The following PCDHGA4 variants were observed in gnomAD, a reference collection of about 807,000 sequenced individuals.
The protein encoded by PCDHGA4 is protocadherin gamma subfamily A, 4.
In PCDHGA4, 38 loss-of-function variants were observed where a neutral mutation model predicts 54.6. The ratio of observed to expected loss-of-function variants is 0.70; its 90% CI spans 0.54 to 0.91. The LOEUF (loss-of-function observed/expected upper bound fraction) is 0.91, where lower values mean the gene tolerates loss of function less well. PCDHGA4 is among the 40% of genes least tolerant of loss of function. The pLI, the probability that PCDHGA4 is intolerant of heterozygous loss-of-function variation, is 0.00. For missense variants in PCDHGA4, 1,298 were observed against 1,220.9 expected (o/e 1.06, Z -0.94); for synonymous variants, 511 against 512.9 (o/e 1.00, Z 0.05).
At position 141,489,135 on chromosome 5, in the gene PCDHGA4, G is replaced by T; in HGVS notation, c.2515-5672G>T. The T allele has an allele frequency of 1.4e-6, 1 of 725,448 alleles. No individual in the cohort carries two copies. The highest frequency in any genetic ancestry group is 2.1e-6 in the Non-Finnish European group (1 of 470,770). 44.9% of individuals were successfully genotyped at this position (725,448 alleles called of 1,614,324 possible). ...GCAAACCTCCGAGCAGTTTTTAAGA[G>T]GCTGGAAGGAGACATAAGAGACTTC... On this transcript the variant is annotated intron_variant, in intron 1 of 3. Coordinates refer to ENST00000571252, the MANE Select transcript of PCDHGA4 (RefSeq NM_018917.4). The surrounding 1 kb of genome is among the most constrained non-coding windows in gnomAD (Gnocchi z 4.5).
At chr5:141,463,265 A>G (rs2099055701) in intron 1 of PCDHGA4, among the ~76,000 whole-genome samples, 1 of 151,998 alleles carries the variant, frequency 6.6e-6, no homozygotes, top group African/African-American at 2.4e-5. Flanking sequence ...ACTCTATCCC[A>G]TAAATTCTGG....
chr5:141,509,308 C>G (rs943174290), intron 3 of PCDHGA4, among the ~76,000 whole-genome samples: 6 of 152,152 alleles, frequency 3.9e-5, no homozygotes, highest in African/African-American at 1.4e-4. Flanking sequence ...CAGAGGGAGG[C>G]TGGGAGAGAA....
At chr5:141,397,110 C>T (rs561188757) in intron 1 of PCDHGA4, among the ~76,000 whole-genome samples, 1 of 152,324 alleles carries the variant, frequency 6.6e-6, no homozygotes, top group African/African-American at 2.4e-5. Context: ...ATGCAATCCA[C>T]TAGAATATCC....
At position 141,409,826 on chromosome 5, in the gene PCDHGA4, C is replaced by T. The variant is rs565116840; in HGVS notation, c.2514+52205C>T. 14 of 1,611,108 alleles carry T rather than the reference C, an allele frequency of 8.7e-6. No homozygotes were observed. The highest frequency in any genetic ancestry group is 1.3e-5 in the African/African-American group (1 of 75,000). On this transcript the variant is annotated intron_variant, in intron 1 of 3. Coordinates refer to ENST00000571252, the MANE Select transcript of PCDHGA4 (RefSeq NM_018917.4). ...GGCCCGCGACCACGGCTCGCCCACG[C>T]TCAGCGCCAACGTGAGCCTGCGCGT...
Position 141,480,177 on chromosome 5 carries a change from G to T in PCDHGA4, c.2515-14630G>T, listed in dbSNP as rs570721769. 4.6e-5 allele frequency among the ~76,000 whole-genome samples: 7 copies of T among 152,066 alleles called. No homozygotes were observed. In the South Asian group the frequency reaches 6.3e-4, roughly 14 times the overall value. ...CTAGCATTTTGGGAGGCTGAGGCAGGCGGATTGCTTGAGGCCAGCAGTTCA... is the reference window on the plus strand; with the variant it reads ...CTAGCATTTTGGGAGGCTGAGGCAGTCGGATTGCTTGAGGCCAGCAGTTCA... On this transcript the variant is annotated intron_variant, in intron 1 of 3. Coordinates refer to ENST00000571252, the MANE Select transcript of PCDHGA4 (RefSeq NM_018917.4).
chr5:141,357,757 G>A (rs932647509), intron 1 of PCDHGA4, 136 bp downstream of exon 1: 33 of 1,061,794 alleles, frequency 3.1e-5, no homozygotes, highest in Non-Finnish European at 4.0e-5. Flanking sequence ...AAAACTGGTG[G>A]ATGACCTTCC....
At chr5:141,401,936 G>A (rs950687803) in intron 1 of PCDHGA4, among the ~76,000 whole-genome samples, 1 of 152,100 alleles carries the variant, frequency 6.6e-6, no homozygotes, top group African/African-American at 2.4e-5. Flanking sequence ...TTAGAATAAT[G>A]TTTAAGACCA....
chr5:141,366,329 A>G (rs1342085917), intron 1 of PCDHGA4: 1 of 1,613,868 alleles, frequency 6.2e-7, no homozygotes, highest in South Asian at 1.1e-5. Flanking sequence ...CGTGGCCGAC[A>G]GGATCCCTGA....
chr5:141,395,819 T>A (rs2093315125), intron 1 of PCDHGA4: 1 of 152,210 alleles, frequency 6.6e-6, no homozygotes, highest in Admixed American at 6.5e-5. Context: ...ATGAACAAAC[T>A]TTAAAGATGG....
intron 1 of PCDHGA4, among the ~76,000 whole-genome samples, chr5:141,456,877 C>T (rs910777736): frequency 2.0e-5 from 3 of 152,202 alleles, no homozygotes; most frequent in South Asian, 2.1e-4. Context: ...GCAGGAGAAT[C>T]GCTTGAACCC....
chr5:141,409,047 G>A, intron 1 of PCDHGA4: 1 of 1,613,982 alleles, frequency 6.2e-7, no homozygotes, highest in Non-Finnish European at 8.5e-7. Context: ...TACTACTTCC[G>A]AAGCACTGCC....
Position 141,355,746 on chromosome 5 carries a change from G to A in PCDHGA4, c.639G>A (p.Val213=), listed in dbSNP as rs1759960259. 1.2e-6 allele frequency: 2 copies of A among 1,613,874 alleles called. No homozygotes were observed. Among genetic ancestry groups the A allele is most frequent in the Non-Finnish European group, 1.7e-6 (2 of 1,179,884 alleles). ...CAAACGGTTACTTTTCCCTGGACGT[G>A]CAAAGTGGGGCCGATGGGATTAAGT... ...LNSNGYFSLD[V]QSGADGIKYP... is the part of the protein sequence containing the mutation. Residue 213 remains valine, a synonymous_variant, in exon 1 of 4, where the codon GTG becomes GTA. Coordinates refer to ENST00000571252, the MANE Select transcript of PCDHGA4 (RefSeq NM_018917.4).
At chr5:141,410,693 A>C in intron 1 of PCDHGA4, 1 of 1,496,902 alleles carries the variant, frequency 6.7e-7, no homozygotes, top group Non-Finnish European at 8.9e-7. Flanking sequence ...ATACTACTTT[A>C]TTTTCATATC....
chr5:141,367,537 A>AAAT (rs373624904), intron 1 of PCDHGA4: 1 of 147,434 alleles, frequency 6.8e-6, no homozygotes, highest in Admixed American at 6.8e-5. Context: ...ACTCCGTCTC[A>AAAT]AAATAAATAA....
chr5:141,375,724 A>T (rs1771805917), intron 1 of PCDHGA4: 1 of 1,614,144 alleles, frequency 6.2e-7, no homozygotes, highest in Non-Finnish European at 8.5e-7. Flanking sequence ...GCAACGTGTC[A>T]CTGAGCCTGT....
At chr5:141,410,560 A>C (rs769354927) in intron 1 of PCDHGA4, 42 of 1,612,824 alleles carry the variant, frequency 2.6e-5, no homozygotes, top group Non-Finnish European at 3.5e-5. Context: ...TTTCTCCTGG[A>C]GCCTTAATTC....
At chr5:141,376,675 C>CTTT in intron 1 of PCDHGA4, 7 of 345,068 alleles carry the variant, frequency 2.0e-5, no homozygotes, top group Admixed American at 4.8e-5. Context: ...GTGAGGGTAT[C>CTTT]GTTTTTTTTT....
intron 1 of PCDHGA4, chr5:141,366,144 C>T (rs925056179): frequency 1.9e-6 from 3 of 1,614,182 alleles, no homozygotes; most frequent in Non-Finnish European, 2.5e-6. Flanking sequence ...GCCTGGCTGT[C>T]CTACCGCCTG....
intron 1 of PCDHGA4, among the ~76,000 whole-genome samples, chr5:141,461,881 T>C (rs2099025428): frequency 6.6e-6 from 1 of 152,060 alleles, no homozygotes. Flanking sequence ...TGGAGTGCAA[T>C]GGCACGATCT....
Sources: gnomAD v4.1 joint callset for allele counts (sites outside exome capture counted in the v4.1 genomes callset) on GRCh38, gnomAD v4.1.1 for gene constraint, Gnocchi (gnomAD v3.1) non-coding constraint, MANE v1.5 for transcripts, NCBI Gene and HGNC (gene_info 2026-07-23, HGNC 2026-07-21) for gene names.